Variants in CNST observed in about 807,000 individuals in gnomAD.
CNST encodes the protein consortin, connexin sorting protein.
A neutral mutation model predicts 72.4 loss-of-function variants in CNST; 39 were observed. The ratio of observed to expected loss-of-function variants is 0.54; its 90% CI spans 0.42 to 0.70. The LOEUF (loss-of-function observed/expected upper bound fraction) is 0.70, where lower values mean the gene tolerates loss of function less well. Ranked by LOEUF, CNST falls within the 30% of genes least tolerant of loss-of-function variation. The probability of loss-of-function intolerance (pLI) is 0.00; values close to 1 mark genes in which losing one functional copy is unlikely to be tolerated. For synonymous variants in CNST, 332 were observed against 320.1 expected (o/e 1.04, Z -0.40); for missense variants, 871 against 868.5 (o/e 1.00, Z -0.04).
At chr1:246,628,398 T>C (rs1448824438) in intron 3 of CNST, among the ~76,000 whole-genome samples, 2 of 152,142 alleles carry the variant, frequency 1.3e-5, no homozygotes, top group Non-Finnish European at 2.9e-5. Context: ...AGAACTAATT[T>C]TAGGAAAATT....
chr1:246,606,479 A>G (rs898775571), intron 2 of CNST: 12 of 152,188 alleles, frequency 7.9e-5, no homozygotes, highest in Non-Finnish European at 1.3e-4. Context: ...TCTTCTGTTA[A>G]TAAGTAGTCT....
At chr1:246,652,862 G>A (rs1410683032) in intron 9 of CNST, among the ~76,000 whole-genome samples, 2 of 150,706 alleles carry the variant, frequency 1.3e-5, no homozygotes, top group Admixed American at 1.3e-4. Flanking sequence ...AAACTAGCCG[G>A]GCGTGGTGGC....
intron 1 of CNST, among the ~76,000 whole-genome samples, chr1:246,588,230 A>G (rs1661315449): frequency 6.6e-6 from 1 of 152,152 alleles, no homozygotes; most frequent in Non-Finnish European, 1.5e-5. Context: ...TGATTACTGA[A>G]AGGCCGTTTT....
At position 246,666,553 on chromosome 1, in the gene CNST, T is replaced by C. The variant is rs41308146; in HGVS notation, c.*648T>C. On this transcript the variant is annotated 3_prime_UTR_variant, in exon 11 of 11. Coordinates refer to ENST00000366513, the MANE Select transcript of CNST (RefSeq NM_152609.3). ...ATGATGATGTGCAGGCACAAATCTT[T>C]GGAGAAGGCTTAACTGTGGAATAGA... 1,642 of 152,570 alleles carry C rather than the reference T, an allele frequency of 0.011. 38 individuals carry two copies. The highest frequency in any genetic ancestry group is 0.012 in the Non-Finnish European group (829 of 68,046). The allele number at this position is 152,570 out of a possible 1,614,324, so 9.5% of individuals were successfully genotyped here.
rs77906492 is a variant in CNST, at chr1:246,613,125, G to A, written c.380-8304G>A. Among the ~76,000 whole-genome samples the A allele has an allele frequency of 3.6e-4, 55 of 152,224 alleles. 1 individual carries two copies. The East Asian group carries it at 6.2e-3, about 17-fold the overall frequency. ...CTGAAGCACAGAGAGATTAAGTAACGTGCCCGATGTCATTGCTGAAAAGTG... is the reference window on the plus strand; with the variant it reads ...CTGAAGCACAGAGAGATTAAGTAACATGCCCGATGTCATTGCTGAAAAGTG... On this transcript the variant is annotated intron_variant, in intron 2 of 10. Transcript: ENST00000366513.
intron 5 of CNST, 22 bp from the exon 6 acceptor site, chr1:246,634,451 C>CT: frequency 6.9e-7 from 1 of 1,438,916 alleles, no homozygotes; most frequent in Non-Finnish European, 9.5e-7. Flanking sequence ...GAGCCAGTGA[C>CT]TAACAAATAC....
chr1:246,574,057 T>C (rs1315871697), intron 1 of CNST, among the ~76,000 whole-genome samples: 3 of 152,204 alleles, frequency 2.0e-5, no homozygotes, highest in Non-Finnish European at 4.4e-5. Flanking sequence ...TGTTTTTTAA[T>C]AAAACTGAGT....
intron 2 of CNST, among the ~76,000 whole-genome samples, chr1:246,604,389 A>G (rs1662541501): frequency 6.6e-6 from 1 of 152,252 alleles, no homozygotes; most frequent in African/African-American, 2.4e-5. Context: ...TGTAAACTAT[A>G]ATAAAATGCC....
At chr1:246,658,976 G>T (rs77061037) in intron 9 of CNST, among the ~76,000 whole-genome samples, 2,022 of 152,220 alleles carry the variant, frequency 0.013, 45 homozygotes, top group African/African-American at 0.044. Flanking sequence ...AGGGTTTTTG[G>T]TTTTGTTTCT....
chr1:246,609,648 G>A (rs2103057467), intron 2 of CNST, among the ~76,000 whole-genome samples: 1 of 152,324 alleles, frequency 6.6e-6, no homozygotes, highest in Middle Eastern at 3.4e-3. Context: ...AACCTTAGAG[G>A]ATGAAACATG....
intron 10 of CNST, 122 bp downstream of exon 10, chr1:246,660,456 T>G: frequency 1.9e-6 from 2 of 1,069,238 alleles, no homozygotes; most frequent in Non-Finnish European, 2.7e-6. Context: ...CCAGGCACGG[T>G]GGCTCACACC....
At chr1:246,605,781 CCGGGG>C (rs1558550290) in intron 2 of CNST, 3 of 117,162 alleles carry the variant, frequency 2.6e-5, no homozygotes, top group African/African-American at 9.4e-5. Flanking sequence ...TGTCTTCCGG[CCGGGG>C]TAGGTGTCTT....
chr1:246,602,897 GTT>G (rs5782399), intron 2 of CNST, among the ~76,000 whole-genome samples: 6 of 149,386 alleles, frequency 4.0e-5, no homozygotes, highest in East Asian at 3.9e-4. Context: ...TTTTTGTCTA[GTT>G]TTTTTTTTTT....
rs367644449 is a variant in CNST, at chr1:246,634,788, G to A, written c.818+201G>A. ...AGCACAAGGCGGTGTGGAGCATCAC[G>A]CTGTTTTAATGAGCACCTGGGTGCA... is the stretch of plus-strand genomic sequence containing the variant. On this transcript the variant is annotated intron_variant, in intron 6 of 10. Transcript: ENST00000366513. Among the ~76,000 whole-genome samples the A allele has an allele frequency of 2.6e-3, 399 of 152,356 alleles. 3 individuals are homozygous for A. The highest frequency in any genetic ancestry group is 9.2e-3 in the African/African-American group (382 of 41,582).
chr1:246,626,703 C>T lies in CNST; in HGVS notation c.585+5069C>T, dbSNP rs553563444. Among the ~76,000 whole-genome samples the T allele has an allele frequency of 2.6e-5, 4 of 152,002 alleles. No homozygotes were observed. The South Asian group carries it at 6.2e-4, about 24-fold the overall frequency. On this transcript the variant is annotated intron_variant, in intron 3 of 10. Coordinates refer to ENST00000366513, the MANE Select transcript of CNST (RefSeq NM_152609.3). Reference sequence around the variant, plus strand: ...AACTCCTGACCTCAGGTGGTCCGCCCGCCTCAGCCTCCCAAAGTGCTGGGA... The same window carrying T: ...AACTCCTGACCTCAGGTGGTCCGCCTGCCTCAGCCTCCCAAAGTGCTGGGA...
At chr1:246,600,454 A>C (rs1662202958) in intron 2 of CNST, among the ~76,000 whole-genome samples, 1 of 152,218 alleles carries the variant, frequency 6.6e-6, no homozygotes, top group African/African-American at 2.4e-5. Context: ...AAGGGGTTTT[A>C]CAGTAACATC....
At chr1:246,603,780 G>C (rs1662477718) in intron 2 of CNST, among the ~76,000 whole-genome samples, 1 of 152,196 alleles carries the variant, frequency 6.6e-6, no homozygotes, top group African/African-American at 2.4e-5. Flanking sequence ...GGAGGCAGTA[G>C]GGGGATGGGG....
intron 6 of CNST, among the ~76,000 whole-genome samples, chr1:246,637,901 G>A (rs1391924179): frequency 1.3e-5 from 2 of 152,172 alleles, no homozygotes; most frequent in Admixed American, 6.6e-5. Context: ...AAGACTAGAA[G>A]GTAATGGAGC....
intron 9 of CNST, among the ~76,000 whole-genome samples, chr1:246,659,509 G>A (rs1017960889): frequency 2.0e-5 from 3 of 151,984 alleles, no homozygotes; most frequent in Admixed American, 2.0e-4. Flanking sequence ...GCAGGAGAAC[G>A]GCATGAACCC....
Sources: allele counts gnomAD v4.1 joint callset (sites outside exome capture counted in the v4.1 genomes callset), GRCh38; gene constraint gnomAD v4.1.1; transcripts MANE v1.5; gene names NCBI Gene and HGNC (gene_info 2026-07-23, HGNC 2026-07-21).